The following HSPBAP1 variants were observed in gnomAD, a reference collection of about 807,000 sequenced individuals.
The protein encoded by HSPBAP1 is HSPB1 associated protein 1.
Under a neutral mutation model 45.2 loss-of-function variants are expected in HSPBAP1, and 27 were observed. The ratio of observed to expected loss-of-function variants is 0.60; its 90% CI spans 0.44 to 0.82. The LOEUF (loss-of-function observed/expected upper bound fraction) is 0.82. Ranked by LOEUF, HSPBAP1 falls within the 40% of genes least tolerant of loss-of-function variation. The probability of loss-of-function intolerance (pLI) is 0.00; values close to 1 mark genes in which losing one functional copy is unlikely to be tolerated. For missense variants in HSPBAP1, 510 were observed against 590.9 expected, an observed-to-expected ratio of 0.86 and a Z score of 1.42; for synonymous variants, 204 against 202.7, an observed-to-expected ratio of 1.01 and a Z score of -0.06.
chr3:122,793,306 T>C (rs1935893544), intron 1 of HSPBAP1, among the ~76,000 whole-genome samples: 1 of 152,200 alleles, frequency 6.6e-6, no homozygotes, highest in Non-Finnish European at 1.5e-5. Flanking sequence ...ACAAATTTAA[T>C]TTTAATCCCC....
At position 122,793,791 on chromosome 3, in the gene HSPBAP1, G is replaced by T; in HGVS notation, c.-111C>A. ...AAGCTGCACCACAGGAAGGAGCCCC[G>T]GCGACTCCCGCCCGGCTCCTACGGA... On this transcript the variant is annotated 5_prime_UTR_variant, in exon 1 of 8. Coordinates refer to ENST00000306103, the MANE Select transcript of HSPBAP1 (RefSeq NM_024610.6). 2 of 913,268 alleles carry T rather than the reference G, an allele frequency of 2.2e-6. No individual in the cohort carries two copies. 56.6% of individuals were successfully genotyped at this position (913,268 alleles called of 1,614,324 possible).
chr3:122,748,923 T>C (rs13076790), intron 6 of HSPBAP1, among the ~76,000 whole-genome samples: 24,743 of 152,100 alleles, frequency 0.16, 2,083 homozygotes, highest in African/African-American at 0.2. Context: ...TATGAATATT[T>C]CTCTGTACTA....
chr3:122,780,563 C>T, intron 1 of HSPBAP1, among the ~76,000 whole-genome samples: 1 of 137,676 alleles, frequency 7.3e-6, no homozygotes, highest in Non-Finnish European at 1.5e-5. Context: ...GGGCTGAACC[C>T]CCAACTCACT....
Position 122,740,246 on chromosome 3 carries a change from G to T in HSPBAP1, c.*99C>A. 1.4e-6 allele frequency: 1 copy of T among 705,966 alleles called. No individual in the cohort carries two copies. The allele number at this position is 705,966 out of a possible 1,614,324, so 43.7% of individuals were successfully genotyped here. On this transcript the variant is annotated 3_prime_UTR_variant, in exon 8 of 8. Transcript: ENST00000306103. ...GGTAAGGATAAATACATTTACAAAT[G>T]TGCAAACTGACCTTTTGCTGGTTCA...
chr3:122,751,440 G>A (rs1413300663), intron 6 of HSPBAP1, among the ~76,000 whole-genome samples: 1 of 152,108 alleles, frequency 6.6e-6, no homozygotes, highest in African/African-American at 2.4e-5. Context: ...AAAGTCTATG[G>A]CCAGAATGGT....
intron 1 of HSPBAP1, among the ~76,000 whole-genome samples, chr3:122,779,957 T>G (rs955179188): frequency 2.0e-5 from 3 of 152,032 alleles, no homozygotes; most frequent in African/African-American, 7.2e-5. Context: ...TTTCCCCACC[T>G]TTCCCCCCTT....
chr3:122,780,516 C>T (rs1316459922), intron 1 of HSPBAP1, among the ~76,000 whole-genome samples: 1 of 136,800 alleles, frequency 7.3e-6, no homozygotes, highest in Non-Finnish European at 1.5e-5. Context: ...GCTGACCCCC[C>T]CACCTCCCTC....
At chr3:122,773,562 C>T (rs1189167333) in intron 2 of HSPBAP1, among the ~76,000 whole-genome samples, 2 of 149,608 alleles carry the variant, frequency 1.3e-5, no homozygotes, top group Non-Finnish European at 3.0e-5. Context: ...GTAATCCGCC[C>T]ACCTTGGCCC....
chr3:122,757,114 T>A (rs144618501), intron 4 of HSPBAP1, among the ~76,000 whole-genome samples: 2 of 150,850 alleles, frequency 1.3e-5, no homozygotes, highest in Non-Finnish European at 3.0e-5. Context: ...TCCCATCCAA[T>A]CTGCTTTGTT....
chr3:122,765,993 A>G (rs1248315100), intron 3 of HSPBAP1, among the ~76,000 whole-genome samples: 2 of 152,064 alleles, frequency 1.3e-5, no homozygotes, highest in African/African-American at 2.4e-5. Flanking sequence ...TTTCAGTTTC[A>G]TATGTGTGTG....
In HSPBAP1 at chr3:122,777,912, A is replaced by G; in HGVS notation, c.65-6T>C. 6.2e-7 allele frequency: 1 copy of G among 1,601,662 alleles called. No homozygotes were observed. On this transcript the variant is annotated splice_region_variant and splice_polypyrimidine_tract_variant and intron_variant, in intron 1 of 7. Transcript: ENST00000306103. Reference sequence around the variant, plus strand: ...AAAAGGTTTGACATGTTCACCTAGAAAGAGAAATGAATACAGCAATAGATA... The same window carrying G: ...AAAAGGTTTGACATGTTCACCTAGAGAGAGAAATGAATACAGCAATAGATA...
Position 122,740,118 on chromosome 3 carries a change from G to C in HSPBAP1, c.*227C>G. ...GACTTACATTTGACACAGGCTAAAA[G>C]TATGGGATGAGAGAGGAACAAAAGC... On this transcript the variant is annotated 3_prime_UTR_variant, in exon 8 of 8. Transcript: ENST00000306103. 1 of 298,006 alleles carries C rather than the reference G, an allele frequency of 3.4e-6. No individual in the cohort carries two copies. The highest frequency in any genetic ancestry group is 6.0e-6 in the Non-Finnish European group (1 of 166,338). 18.5% of individuals were successfully genotyped at this position (298,006 alleles called of 1,614,324 possible). A position where few individuals can be genotyped will look rare whatever the true frequency, so the allele number is the denominator to read the frequency against.
At chr3:122,789,058 G>C (rs1935741012) in intron 1 of HSPBAP1, among the ~76,000 whole-genome samples, 1 of 152,084 alleles carries the variant, frequency 6.6e-6, no homozygotes, top group Non-Finnish European at 1.5e-5. Flanking sequence ...TCTAACATGG[G>C]AATTTTTTAC....
At chr3:122,774,119 T>G (rs1358803943) in intron 2 of HSPBAP1, among the ~76,000 whole-genome samples, 1 of 152,224 alleles carries the variant, frequency 6.6e-6, no homozygotes, top group Non-Finnish European at 1.5e-5. Context: ...CAGCCCATGA[T>G]GAGACGTGGC....
At chr3:122,755,203 GA>G in intron 5 of HSPBAP1, 56 bp downstream of exon 5, 3 of 1,377,890 alleles carry the variant, frequency 2.2e-6, no homozygotes, top group Non-Finnish European at 2.9e-6. Flanking sequence ...AAGGACTTGA[GA>G]GAGTTACAGC....
chr3:122,741,084 C>T lies in HSPBAP1; in HGVS notation c.855G>A (p.Glu285=), dbSNP rs1457033692. ...LEEDHLARVE[E]AITRMLVCAL... ...CACACACAAGCATACGGGTGATTGC[C>T]TCTTCTACCCGGGCTAGGTGATCCT... is the stretch of plus-strand genomic sequence containing the variant. The change falls in exon 7 of 8, where the codon GAG becomes GAA. Residue 285 remains glutamate (E), a synonymous_variant. Transcript: ENST00000306103. The T allele has an allele frequency of 4.3e-6, 7 of 1,613,956 alleles. No individual in the cohort carries two copies. The highest frequency in any genetic ancestry group is 1.3e-5 in the African/African-American group (1 of 74,912).
At position 122,793,661 on chromosome 3, in the gene HSPBAP1, G is replaced by A; in HGVS notation, c.20C>T (p.Ala7Val). ...AGCCGCAACGATCACAGGAGTGGTC[G>A]CCTCGGAGCCTGCTGCCATGGCTAC... MAAGSE[A>V]TTPVIVAAGA... Residue 7 changes from alanine (A) to valine (V), a missense_variant, in exon 1 of 8, where the codon GCG becomes GTG. Coordinates refer to ENST00000306103, the MANE Select transcript of HSPBAP1 (RefSeq NM_024610.6). 6.2e-7 allele frequency: 1 copy of A among 1,613,816 alleles called. No individual in the cohort carries two copies. Among genetic ancestry groups the A allele is most frequent in the East Asian group, 2.2e-5 (1 of 44,874 alleles).
At chr3:122,752,815 G>T in intron 5 of HSPBAP1, 141 bp from the exon 6 acceptor site, 1 of 1,388,200 alleles carries the variant, frequency 7.2e-7, no homozygotes, top group Non-Finnish European at 9.4e-7. Flanking sequence ...AGTAAAGTAA[G>T]AAAAAAAACC....
chr3:122,792,272 C>G (rs1180625716), intron 1 of HSPBAP1, among the ~76,000 whole-genome samples: 2 of 152,060 alleles, frequency 1.3e-5, no homozygotes, highest in Admixed American at 6.6e-5. Flanking sequence ...TTCAGGCCCA[C>G]GGGTGCAGGT....
Sources: gnomAD v4.1 joint callset for allele counts (sites outside exome capture counted in the v4.1 genomes callset) on GRCh38, gnomAD v4.1.1 for gene constraint, MANE v1.5 for transcripts, NCBI Gene and HGNC (gene_info 2026-07-23, HGNC 2026-07-21) for gene names.